FCGR2B: variants seen among roughly 807,000 people sequenced by gnomAD.
The protein encoded by FCGR2B is low affinity immunoglobulin gamma Fc region receptor II-b.
FCGR2B carries 18 observed loss-of-function variants against 24.8 expected under a neutral mutation model. That is an observed-to-expected ratio of 0.73 (90% CI 0.50 to 1.08). FCGR2B has a LOEUF of 1.08. Ranked by LOEUF, FCGR2B falls within the 50% of genes least tolerant of loss-of-function variation. FCGR2B has a pLI of 0.00. For missense variants in FCGR2B, 215 were observed against 297.6 expected, an observed-to-expected ratio of 0.72 and a Z score of 2.04; for synonymous variants, 79 against 109.8, an observed-to-expected ratio of 0.72 and a Z score of 1.75.
chr1:161,654,386 G>A, the FCGR2B span, among the ~76,000 whole-genome samples: 2 of 113,882 alleles, frequency 1.8e-5, 1 homozygote, highest in South Asian at 6.0e-4. Context: ...TGTTGTTGTT[G>A]TTTTTTCCTG....
At chr1:161,651,819 G>A in the FCGR2B span, among the ~76,000 whole-genome samples, 2 of 125,042 alleles carry the variant, frequency 1.6e-5, 1 homozygote, top group Non-Finnish European at 3.6e-5. Context: ...TGTAATCCCA[G>A]CTAATTGGGA....
chr1:161,672,731 G>T lies in FCGR2B; in HGVS notation c.392-244G>T, dbSNP rs1456974694. 8 of 625,550 alleles carry T rather than the reference G, an allele frequency of 1.3e-5. No individual in the cohort carries two copies. In the South Asian group the frequency reaches 1.4e-4, roughly 11 times the overall value. 38.7% of individuals were successfully genotyped at this position (625,550 alleles called of 1,614,324 possible). ...ATCCTGAACACCTATTATGTGCTAG[G>T]GGCTATTGTAGATACATGACACTAT... On this transcript the variant is annotated intron_variant, in intron 3 of 7. Coordinates refer to ENST00000358671, the MANE Select transcript of FCGR2B (RefSeq NM_001394477.1).
intron 6 of FCGR2B, chr1:161,676,874 T>G (rs1682189605): frequency 1.1e-5 from 2 of 188,318 alleles, no homozygotes. Context: ...TGGAGTACCA[T>G]ATTTTTCAAA....
In FCGR2B at chr1:161,673,218, T is replaced by C. The variant is rs1426290226; in HGVS notation, c.635T>C (p.Ile212Thr). ...YTLYSSKPVTITVQAPSSSPM... is the reference protein window; with the variant it reads ...YTLYSSKPVTTTVQAPSSSPM... ...CTGTACTCATCCAAGCCTGTGACCA[T>C]CACTGTCCAAGGTATGCGGAGTCTG... is the stretch of plus-strand genomic sequence containing the variant. The change falls in exon 4 of 8, where the codon ATC becomes ACC. Residue 212 changes from isoleucine (I) to threonine (T), a missense_variant. Coordinates refer to ENST00000358671, the MANE Select transcript of FCGR2B (RefSeq NM_001394477.1). 1 of 1,603,234 alleles carries C rather than the reference T, an allele frequency of 6.2e-7. No homozygotes were observed. The highest frequency in any genetic ancestry group is 1.7e-5 in the Admixed American group (1 of 58,876).
chr1:161,652,790 G>A, the FCGR2B span, among the ~76,000 whole-genome samples: 2 of 134,572 alleles, frequency 1.5e-5, no homozygotes, highest in Admixed American at 8.2e-5. Flanking sequence ...CTTAGTGTGG[G>A]CCAATCTAGT....
chr1:161,676,048 T>G (rs1221012249), intron 6 of FCGR2B: 1 of 231,408 alleles, frequency 4.3e-6, no homozygotes, highest in Non-Finnish European at 8.5e-6. Flanking sequence ...GATTTGACAT[T>G]CTGAGAACCA....
chr1:161,676,184 CATGACAGTAAGAACAGG>C (rs1682115905), intron 6 of FCGR2B: 1 of 226,890 alleles, frequency 4.4e-6, no homozygotes, highest in South Asian at 1.8e-4. Flanking sequence ...TGGGGGCTTC[CATGACAGTAAGAACAGG>C]CAGAAAAAAG....
At chr1:161,661,216 A>G (rs368246762), upstream of FCGR2B, among the ~76,000 whole-genome samples, 497 of 101,094 alleles carry the variant, frequency 4.9e-3, 75 homozygotes, top group Non-Finnish European at 8.3e-3. Flanking sequence ...GAAAGAAAGA[A>G]AGAAAGAAAG....
chr1:161,652,834 C>A, the FCGR2B span, among the ~76,000 whole-genome samples: 1 of 134,438 alleles, frequency 7.4e-6, no homozygotes, highest in Admixed American at 8.2e-5. Flanking sequence ...TTTATTATTG[C>A]CATAGTTACC....
intron 1 of FCGR2B, among the ~76,000 whole-genome samples, chr1:161,664,219 A>AGC (rs1681245693): frequency 1.3e-5 from 1 of 76,698 alleles, no homozygotes; most frequent in Non-Finnish European, 2.4e-5. Flanking sequence ...TCTAGAGGAA[A>AGC]GCATATTGCC....
At chr1:161,675,100 G>A in intron 5 of FCGR2B, 157 bp from the exon 6 acceptor site, 1 of 568,678 alleles carries the variant, frequency 1.8e-6, no homozygotes, top group Non-Finnish European at 3.1e-6. Context: ...CCAGGCGGGA[G>A]CAGCCTCTGA....
chr1:161,676,845 C>CTGTT, intron 6 of FCGR2B: 1 of 168,776 alleles, frequency 5.9e-6, no homozygotes, highest in Non-Finnish European at 1.3e-5. Flanking sequence ...CACTCACTCT[C>CTGTT]TCTTTCTTTT....
chr1:161,671,214 C>A (rs1681622168), intron 2 of FCGR2B, among the ~76,000 whole-genome samples, 178 bp from the exon 3 acceptor site: 1 of 152,114 alleles, frequency 6.6e-6, no homozygotes, highest in Non-Finnish European at 1.5e-5. Context: ...CTCCCTGGGG[C>A]CGTTGTGGTG....
At position 161,677,460 on chromosome 1, in the gene FCGR2B, T is replaced by G; in HGVS notation, c.856-16T>G. 1 of 1,613,592 alleles carries G rather than the reference T, an allele frequency of 6.2e-7. No homozygotes were observed. The highest frequency in any genetic ancestry group is 8.5e-7 in the Non-Finnish European group (1 of 1,179,546). ...CCTCTCTGTGGATCCTTACTGCTGGTTTCTGCCTTCTCTAGGCTGAGAACA... is the reference window on the plus strand; with the variant it reads ...CCTCTCTGTGGATCCTTACTGCTGGGTTCTGCCTTCTCTAGGCTGAGAACA... On this transcript the variant is annotated splice_polypyrimidine_tract_variant and intron_variant, in intron 7 of 7. Coordinates refer to ENST00000358671, the MANE Select transcript of FCGR2B (RefSeq NM_001394477.1).
At position 161,671,569 on chromosome 1, in the gene FCGR2B, A is replaced by G; in HGVS notation, c.311A>G (p.Asn104Ser). ...CAGCCCAGCTACAGGTTCAAGGCCAACAACAATGACAGCGGGGAGTACACG... is the reference window on the plus strand; with the variant it reads ...CAGCCCAGCTACAGGTTCAAGGCCAGCAACAATGACAGCGGGGAGTACACG... ...HTQPSYRFKA[N>S]NNDSGEYTCQ... The change falls in exon 3 of 8, where the codon AAC becomes AGC. Residue 104 changes from asparagine (N) to serine (S), a missense_variant. By Grantham distance (46) the Asn-to-Ser change is conservative (BLOSUM62 1). Around this residue, in one of 5 missense-constraint regions of FCGR2B, gnomAD observed 39 missense variants for 73.3 expected, o/e 0.53. Transcript: ENST00000358671. 6.2e-7 allele frequency: 1 copy of G among 1,614,176 alleles called. No homozygotes were observed. Among genetic ancestry groups the G allele is most frequent in the East Asian group, 2.2e-5 (1 of 44,868 alleles).
At chr1:161,654,541 G>C in the FCGR2B span, among the ~76,000 whole-genome samples, 2 of 134,256 alleles carry the variant, frequency 1.5e-5, no homozygotes, top group African/African-American at 5.0e-5. Flanking sequence ...ACCTAGGTAT[G>C]TATTCCCTGG....
At chr1:161,650,647 T>C in the FCGR2B span, among the ~76,000 whole-genome samples, 1 of 139,652 alleles carries the variant, frequency 7.2e-6, no homozygotes, top group East Asian at 2.2e-4. Flanking sequence ...CAAAACCAAC[T>C]CTGTTGAGAA....
At chr1:161,652,168 C>T in the FCGR2B span, among the ~76,000 whole-genome samples, 259 of 129,124 alleles carry the variant, frequency 2.0e-3, 29 homozygotes, top group African/African-American at 6.4e-3. Context: ...AAATTGTTGG[C>T]CATTTTCTCT....
At chr1:161,647,967 T>C in the FCGR2B span, among the ~76,000 whole-genome samples, 1 of 150,870 alleles carries the variant, frequency 6.6e-6, no homozygotes, top group Non-Finnish European at 1.5e-5. Context: ...AGTTTAGCTA[T>C]GTGTAACTCA....
Sources: gnomAD v4.1 joint callset for allele counts (sites outside exome capture counted in the v4.1 genomes callset) on GRCh38, gnomAD v4.1.1 for gene constraint, gnomAD v4.1.1 regional missense constraint, MANE v1.5 for transcripts, NCBI Gene and HGNC (gene_info 2026-07-23, HGNC 2026-07-21) for gene names.